PDE2A: variants seen among roughly 807,000 people sequenced by gnomAD.
The protein encoded by PDE2A is phosphodiesterase 2A.
Under a neutral mutation model 133.6 loss-of-function variants are expected in PDE2A, and 53 were observed. That is an observed-to-expected ratio of 0.40 (90% CI 0.32 to 0.50). The LOEUF (loss-of-function observed/expected upper bound fraction) is 0.50. Ranked by LOEUF, PDE2A falls within the 20% of genes least tolerant of loss-of-function variation. The pLI, the probability that PDE2A is intolerant of heterozygous loss-of-function variation, is 0.73. For synonymous variants in PDE2A, 491 were observed against 490.2 expected (o/e 1.00, Z -0.02); for missense variants, 796 against 1,232.4 (o/e 0.65, Z 5.30).
At chr11:72,622,343 G>A (rs747428265) in intron 2 of PDE2A, among the ~76,000 whole-genome samples, 15 of 152,288 alleles carry the variant, frequency 9.8e-5, no homozygotes, top group South Asian at 6.2e-4. Flanking sequence ...TCCAGCAAGC[G>A]TACTTCTAGG....
intron 2 of PDE2A, among the ~76,000 whole-genome samples, chr11:72,624,921 C>T (rs1857981860): frequency 6.6e-6 from 1 of 152,218 alleles, no homozygotes; most frequent in Admixed American, 6.5e-5. Flanking sequence ...GCAGAACGCC[C>T]CCTGTCCCAC....
intron 1 of PDE2A, among the ~76,000 whole-genome samples, chr11:72,662,020 G>C (rs1331759452): frequency 1.3e-5 from 2 of 152,036 alleles, no homozygotes; most frequent in Admixed American, 6.6e-5. Context: ...TGTGTTATTG[G>C]GTTTTTCCTC....
chr11:72,579,557 T>C lies in PDE2A; in HGVS notation c.2233A>G (p.Ile745Val), dbSNP rs368127042. The stretch of plus-strand genomic sequence containing the variant: ...ACCTTCCGGGAGAAATGATCAAAGA[T>C]GTTGCAGCCGTGGGTGTTGAGGATG... ...IAILNTHGCN[I>V]FDHFSRKDYQ... The change falls in exon 26 of 31, where the codon ATC (isoleucine) becomes GTC (valine). Residue 745 changes from isoleucine (I) to valine (V), a missense_variant. Transcript: ENST00000334456. 42 of 1,604,944 alleles carry C rather than the reference T, an allele frequency of 2.6e-5. No homozygotes were observed. Among genetic ancestry groups the C allele is most frequent in the Admixed American group, 3.4e-5 (2 of 59,386 alleles).
chr11:72,660,870 A>G (rs1565196576), intron 1 of PDE2A, among the ~76,000 whole-genome samples: 2 of 152,096 alleles, frequency 1.3e-5, no homozygotes, highest in East Asian at 3.9e-4. Flanking sequence ...GTGAGCTCCG[A>G]GAGGTGGCAA....
intron 2 of PDE2A, among the ~76,000 whole-genome samples, chr11:72,623,392 G>C (rs1248542463): frequency 6.6e-6 from 1 of 151,724 alleles, no homozygotes; most frequent in African/African-American, 2.4e-5. Context: ...CACCTCCCCG[G>C]CCTCTAGACA....
rs975202637 is a variant in PDE2A at position 72,631,096 on chromosome 11, A to G, written c.144+11158T>C. ...CTCTCACCTCCAGTCGGTCGTCTCT[A>G]CTCCCTGGGGGTCCTGGCTCCTTTG... On this transcript the variant is annotated intron_variant, in intron 2 of 30. Coordinates refer to ENST00000334456, the MANE Select transcript of PDE2A (RefSeq NM_002599.5). 3.2e-6 allele frequency: 5 copies of G among 1,547,060 alleles called. No homozygotes were observed. In the African/African-American group the frequency reaches 6.9e-5, roughly 21 times the overall value.
chr11:72,580,451 G>A (rs964368845), intron 25 of PDE2A, 126 bp downstream of exon 25: 14 of 745,482 alleles, frequency 1.9e-5, no homozygotes, highest in African/African-American at 1.4e-4. Flanking sequence ...CATGTCCTAG[G>A]TGTGGCTGCA....
intron 4 of PDE2A, chr11:72,598,619 G>A (rs1462203941): frequency 7.8e-7 from 1 of 1,289,122 alleles, no homozygotes; most frequent in Admixed American, 2.3e-5. Flanking sequence ...CTGGACAGAA[G>A]AGAAACTTGG....
At chr11:72,669,458 GC>G (rs1444544345) in intron 1 of PDE2A, among the ~76,000 whole-genome samples, 2 of 152,134 alleles carry the variant, frequency 1.3e-5, no homozygotes, top group Non-Finnish European at 2.9e-5. Context: ...TGGGGACCTG[GC>G]CTTTCCCAGG....
chr11:72,628,400 G>A (rs151084973), intron 2 of PDE2A, among the ~76,000 whole-genome samples: 10,851 of 149,634 alleles, frequency 0.073, 505 homozygotes, highest in Middle Eastern at 0.17. Flanking sequence ...GCGCGATCTC[G>A]GCTCACTGCA....
At position 72,605,175 on chromosome 11, in the gene PDE2A, C is replaced by T. The variant is rs1183982244; in HGVS notation, c.286G>A (p.Asp96Asn). The change falls in exon 4 of 31, where the codon GAC becomes AAC. Residue 96 changes from aspartate (D) to asparagine (N), a missense_variant. By Grantham distance (23) the Asp-to-Asn change is conservative (BLOSUM62 1). This residue lies in a region of PDE2A where 417 missense variants were observed against 475.3 expected (regional missense o/e 0.88). Transcript: ENST00000334456. Reference sequence around the variant, plus strand: ...TCCTGGGGCAGCTCATGTGGGGGGTCCTCACACACCAGCTGGGACTCACCA... The same window carrying T: ...TCCTGGGGCAGCTCATGTGGGGGGTTCTCACACACCAGCTGGGACTCACCA... ...LDGESQLVCE[D>N]PPHELPQEGK... 3 of 1,611,428 alleles carry T rather than the reference C, an allele frequency of 1.9e-6. No individual in the cohort carries two copies. Among genetic ancestry groups the T allele is most frequent in the African/African-American group, 1.3e-5 (1 of 75,012 alleles).
At position 72,663,952 on chromosome 11, in the gene PDE2A, AAGTGGC is replaced by A. The variant is rs1254989214; in HGVS notation, c.71+10179_71+10184del. On this transcript the variant is annotated intron_variant, in intron 1 of 30. Transcript: ENST00000334456. ...TTGTGTGCCCCAGAGGCCGACTTCT[AAGTGGC>A]AGCTTCATCCAGGGCTCCCTTGCCC... Among the ~76,000 whole-genome samples the A allele has an allele frequency of 2.6e-5, 4 of 152,276 alleles. No individual in the cohort carries two copies. In the East Asian group the frequency reaches 5.8e-4, roughly 22 times the overall value.
rs558870892 is a variant in PDE2A at position 72,668,856 on chromosome 11, G to A, written c.71+5281C>T. 2.2e-4 allele frequency among the ~76,000 whole-genome samples: 33 copies of A among 152,200 alleles called. No homozygotes were observed. In the South Asian group the frequency reaches 2.9e-3, roughly 13 times the overall value. On this transcript the variant is annotated intron_variant, in intron 1 of 30. Coordinates refer to ENST00000334456, the MANE Select transcript of PDE2A (RefSeq NM_002599.5). Reference sequence around the variant, plus strand: ...CCCACAGAGCTTTGTGCTTCTCACCGTAGCCACAACCACAGCTCTGTTTCA... The same window carrying A: ...CCCACAGAGCTTTGTGCTTCTCACCATAGCCACAACCACAGCTCTGTTTCA...
intron 1 of PDE2A, among the ~76,000 whole-genome samples, chr11:72,645,639 C>G (rs905786249): frequency 6.6e-6 from 1 of 152,192 alleles, no homozygotes; most frequent in South Asian, 2.1e-4. Flanking sequence ...TTGTGAATGT[C>G]CCCCGGTGAT....
chr11:72,612,275 CCACACACACACA>C (rs55775130), intron 2 of PDE2A, among the ~76,000 whole-genome samples: 1,655 of 124,246 alleles, frequency 0.013, 8 homozygotes, highest in Non-Finnish European at 0.018. Flanking sequence ...CACATCACAT[CCACACACACACA>C]CACACACACA....
rs1258454321 is a variant in PDE2A, at chr11:72,603,918, AG to A, written c.323+1219del. 5.9e-5 allele frequency among the ~76,000 whole-genome samples: 9 copies of A among 152,182 alleles called. 1 individual carries two copies. The highest frequency in any genetic ancestry group is 5.9e-4 in the Admixed American group (9 of 15,284). On this transcript the variant is annotated intron_variant, in intron 4 of 30. Transcript: ENST00000334456. The stretch of plus-strand genomic sequence containing the variant: ...AGAAACCAGGGTTTCCAGCACAAGG[AG>A]GGGCCTCAGGACCATGAGTCCAGCA...
chr11:72,597,595 C>A lies in PDE2A; in HGVS notation c.348G>T (p.Arg116=), dbSNP rs768734993. The change falls in exon 5 of 31, where the codon CGG becomes CGT. Residue 116 remains arginine (R), a synonymous_variant. Coordinates refer to ENST00000334456, the MANE Select transcript of PDE2A (RefSeq NM_002599.5). The surrounding 1 kb of genome is among the most constrained non-coding windows in gnomAD (Gnocchi z 4.6). ...KVREAIISQK[R]LGCNGLGFSD... is the part of the protein sequence containing the mutation. ...AGAAGCCCAGCCCATTGCAGCCCAGCCGCTTCTGGGAGATGATAGCCTCCC... is the reference window on the plus strand; with the variant it reads ...AGAAGCCCAGCCCATTGCAGCCCAGACGCTTCTGGGAGATGATAGCCTCCC... 6.2e-7 allele frequency: 1 copy of A among 1,612,862 alleles called. No homozygotes were observed. The highest frequency in any genetic ancestry group is 1.7e-5 in the Admixed American group (1 of 60,010).
chr11:72,646,262 C>CA (rs895995180), intron 1 of PDE2A, among the ~76,000 whole-genome samples: 8 of 152,234 alleles, frequency 5.3e-5, no homozygotes, highest in African/African-American at 1.4e-4. Flanking sequence ...CACTCAACCT[C>CA]AGGCCCTGTC....
chr11:72,655,501 GT>G, intron 1 of PDE2A, among the ~76,000 whole-genome samples: 2 of 151,908 alleles, frequency 1.3e-5, no homozygotes, highest in South Asian at 4.2e-4. Flanking sequence ...GTGTGTGTGT[GT>G]GCACGCACGT....
Sources: allele counts gnomAD v4.1 joint callset (sites outside exome capture counted in the v4.1 genomes callset), GRCh38; gene constraint gnomAD v4.1.1; regional missense constraint gnomAD v4.1.1; non-coding constraint Gnocchi (gnomAD v3.1); transcripts MANE v1.5; gene names NCBI Gene and HGNC (gene_info 2026-07-23, HGNC 2026-07-21).